UPF1: variants seen among roughly 807,000 people sequenced by gnomAD.
UPF1 encodes the protein regulator of nonsense transcripts 1.
In UPF1, 9 loss-of-function variants were observed where a neutral mutation model predicts 129.2. The observed-to-expected ratio is 0.07, with a 90% CI of 0.04 to 0.12. The LOEUF (loss-of-function observed/expected upper bound fraction) is 0.12, where lower values mean the gene tolerates loss of function less well. Ranked by LOEUF, UPF1 falls within the 10% of genes least tolerant of loss-of-function variation. The pLI, the probability that UPF1 is intolerant of heterozygous loss-of-function variation, is 1.00. For synonymous variants in UPF1, 649 were observed against 644.9 expected, an observed-to-expected ratio of 1.01 and a Z score of -0.10; for missense variants, 788 against 1,525.3, an observed-to-expected ratio of 0.52 and a Z score of 8.05.
At chr19:18,863,406 C>T (rs1453601562) in intron 18 of UPF1, 32 bp from the exon 19 acceptor site, 2 of 1,601,932 alleles carry the variant, frequency 1.2e-6, no homozygotes, top group African/African-American at 1.3e-5. Flanking sequence ...CAGCTCTCCA[C>T]CTGCGTCCTC....
At chr19:18,858,801 A>G (rs187865445) in intron 15 of UPF1, among the ~76,000 whole-genome samples, 34 of 152,352 alleles carry the variant, frequency 2.2e-4, no homozygotes, top group Admixed American at 2.2e-3. Flanking sequence ...AGAAATAACT[A>G]ACACGTAATG....
chr19:18,864,102 A>G, intron 19 of UPF1, 68 bp from the exon 20 acceptor site: 4 of 1,435,846 alleles, frequency 2.8e-6, no homozygotes, highest in Non-Finnish European at 3.9e-6. Flanking sequence ...CTCCCAGGCC[A>G]CCGGGCCCGT....
Position 18,850,798 on chromosome 19 carries a change from C to T in UPF1, c.740C>T (p.Ser247Phe). 6.2e-7 allele frequency: 1 copy of T among 1,610,652 alleles called. No individual in the cohort carries two copies. Among genetic ancestry groups the T allele is most frequent in the East Asian group, 2.2e-5 (1 of 44,756 alleles). ...CTGTCCTGGCTGGTCAAGATCCCCT[C>T]CGAGCAGGAGCAGCTGCGGGCACGC... The part of the protein sequence containing the change: ...CFLSWLVKIP[S>F]EQEQLRARQI... Residue 247 changes from serine (S) to phenylalanine (F), a missense_variant, in exon 5 of 24, where the codon TCC (serine) becomes TTC (phenylalanine). Ser to Phe is a radical substitution (Grantham distance 155). Coordinates refer to ENST00000262803, the MANE Select transcript of UPF1 (RefSeq NM_002911.4). The surrounding 1 kb of genome is among the most constrained non-coding windows in gnomAD (Gnocchi z 7.1).
At chr19:18,848,947 A>G (rs1353357715) in intron 3 of UPF1, 1 of 152,278 alleles carries the variant, frequency 6.6e-6, no homozygotes, top group African/African-American at 2.4e-5. Flanking sequence ...ATAGCCAAGA[A>G]CAGGGAAGTG....
intron 19 of UPF1, among the ~76,000 whole-genome samples, chr19:18,863,875 C>T (rs2055809535): frequency 6.6e-6 from 1 of 152,232 alleles, no homozygotes; most frequent in African/African-American, 2.4e-5. Context: ...CAGCCTGGGA[C>T]CTTGGACACG....
At chr19:18,860,769 C>T (rs1478540861) in intron 16 of UPF1, 57 bp from the exon 17 acceptor site, 7 of 1,600,576 alleles carry the variant, frequency 4.4e-6, no homozygotes, top group Non-Finnish European at 6.0e-6. Flanking sequence ...CGGCCTCCAG[C>T]CTCAGGGCTC....
rs1262180834 is a variant in UPF1 at position 18,858,950 on chromosome 19, T to C, written c.2183-1371T>C. Among the ~76,000 whole-genome samples, 5 of 152,348 alleles carry C rather than the reference T, an allele frequency of 3.3e-5. No individual in the cohort carries two copies. In the East Asian group the frequency reaches 9.6e-4, roughly 29 times the overall value. ...TGAAAGCTGCCGACACAGCGCCTCATGAACTCCAAACCTGTGAGGTTGGTA... is the reference window on the plus strand; with the variant it reads ...TGAAAGCTGCCGACACAGCGCCTCACGAACTCCAAACCTGTGAGGTTGGTA... On this transcript the variant is annotated intron_variant, in intron 15 of 23. Transcript: ENST00000262803.
chr19:18,846,230 C>T (rs2055597053), intron 2 of UPF1, 111 bp downstream of exon 2: 16 of 1,492,026 alleles, frequency 1.1e-5, no homozygotes, highest in Non-Finnish European at 1.4e-5. Context: ...TGCTGTGACT[C>T]TGGGTGGCGG....
chr19:18,833,974 A>G (rs987791768), intron 1 of UPF1, among the ~76,000 whole-genome samples: 56 of 152,272 alleles, frequency 3.7e-4, no homozygotes, highest in African/African-American at 1.3e-3. Context: ...GTGTGCACGT[A>G]TGGGTGTTTT....
intron 1 of UPF1, among the ~76,000 whole-genome samples, chr19:18,842,638 C>T (rs2055553158): frequency 6.6e-6 from 1 of 152,118 alleles, no homozygotes; most frequent in African/African-American, 2.4e-5. Flanking sequence ...GCAGTCATCA[C>T]TCTGAGGGTG....
chr19:18,852,265 C>T lies in UPF1; in HGVS notation c.941C>T (p.Ala314Val), dbSNP rs1485824312. 6.2e-7 allele frequency: 1 copy of T among 1,613,544 alleles called. No individual in the cohort carries two copies. The highest frequency in any genetic ancestry group is 1.3e-5 in the African/African-American group (1 of 74,892). The change falls in exon 6 of 24, where the codon GCC becomes GTC. Residue 314 changes from alanine (A) to valine (V), a missense_variant. Ala to Val is a moderately conservative substitution (Grantham distance 64, BLOSUM62 0). This residue lies in a region of UPF1 where 227 missense variants were observed against 517.9 expected (regional missense o/e 0.44). Transcript: ENST00000262803. ...NIFGPLVKLEADYDKKLKESQ... is the reference protein window; with the variant it reads ...NIFGPLVKLEVDYDKKLKESQ... ...TTCGGGCCCCTGGTCAAGCTGGAGG[C>T]CGACTACGACAAGAAGCTGAAGGAG...
intron 1 of UPF1, among the ~76,000 whole-genome samples, chr19:18,835,688 G>T (rs1426838253): frequency 6.6e-6 from 1 of 152,174 alleles, no homozygotes; most frequent in Non-Finnish European, 1.5e-5. Context: ...GGGTGGAATG[G>T]TCCAGATGGA....
intron 20 of UPF1, 84 bp downstream of exon 20, chr19:18,864,335 C>T (rs560689381): frequency 9.3e-6 from 12 of 1,294,448 alleles, no homozygotes; most frequent in East Asian, 2.4e-5. Context: ...GCTTTAGGTG[C>T]CCCCATCTTT....
chr19:18,864,910 T>C (rs1169162030), intron 20 of UPF1, among the ~76,000 whole-genome samples: 1 of 152,010 alleles, frequency 6.6e-6, no homozygotes, highest in Non-Finnish European at 1.5e-5. Flanking sequence ...GGCTAGTTTT[T>C]GTGTTTTTAG....
At position 18,865,960 on chromosome 19, in the gene UPF1, T is replaced by C; in HGVS notation, c.3238-84T>C. 1 of 1,598,624 alleles carries C rather than the reference T, an allele frequency of 6.3e-7. No individual in the cohort carries two copies. Among genetic ancestry groups the C allele is most frequent in the South Asian group, 1.1e-5 (1 of 89,008 alleles). ...CTTAGTTTGGGGACGGGTTTTCCAT[T>C]CTTTTCTCTGGGGCTGCTGAGGGCT... On this transcript the variant is annotated intron_variant, in intron 22 of 23. Coordinates refer to ENST00000262803, the MANE Select transcript of UPF1 (RefSeq NM_002911.4). The surrounding 1 kb of genome is among the most constrained non-coding windows in gnomAD (Gnocchi z 6.1).
chr19:18,867,844 CACTG>C lies in UPF1; in HGVS notation c.*1328_*1331del, dbSNP rs2055873761. ...TCCCCTGCCCCGGGCCTGGGGCTGT[CACTG>C]GCCCTGATCCGAACACCTCCAGATT... is the stretch of plus-strand genomic sequence containing the variant. On this transcript the variant is annotated 3_prime_UTR_variant, in exon 24 of 24. Transcript: ENST00000262803. The C allele has an allele frequency of 1.3e-5, 2 of 152,324 alleles. No individual in the cohort carries two copies. The highest frequency in any genetic ancestry group is 4.8e-5 in the African/African-American group (2 of 41,454). The allele number at this position is 152,324 out of a possible 1,614,324, so 9.4% of individuals were successfully genotyped here. A position where few individuals can be genotyped will look rare whatever the true frequency, so the allele number is the denominator to read the frequency against.
intron 1 of UPF1, among the ~76,000 whole-genome samples, chr19:18,843,166 GA>G (rs2145940208): frequency 6.6e-6 from 1 of 152,286 alleles, no homozygotes; most frequent in South Asian, 2.1e-4. Context: ...AGAGAATCAG[GA>G]ATGAGCTGCT....
chr19:18,852,064 C>T (rs2055664238), intron 5 of UPF1, 71 bp from the exon 6 acceptor site: 11 of 1,483,364 alleles, frequency 7.4e-6, no homozygotes, highest in African/African-American at 1.4e-5. Flanking sequence ...CCCTCTGGTG[C>T]CTCTGCGCCC....
At position 18,865,196 on chromosome 19, in the gene UPF1, C is replaced by G. The variant is rs750242732; in HGVS notation, c.2858-93C>G. ...CCTGGGCAGAGCCAGGACAGATGTG[C>G]AGCTCCGGCTGACTGGCTGGTGGGG... On this transcript the variant is annotated intron_variant, in intron 20 of 23. Transcript: ENST00000262803. The surrounding 1 kb of genome is among the most constrained non-coding windows in gnomAD (Gnocchi z 6.1). 145 of 1,436,778 alleles carry G rather than the reference C, an allele frequency of 1.0e-4. No individual in the cohort carries two copies. The highest frequency in any genetic ancestry group is 1.2e-4 in the Non-Finnish European group (128 of 1,063,340). 89.0% of individuals were successfully genotyped at this position (1,436,778 alleles called of 1,614,324 possible). A position where few individuals can be genotyped will look rare whatever the true frequency, so the allele number is the denominator to read the frequency against.
Sources: gnomAD v4.1 joint callset for allele counts (sites outside exome capture counted in the v4.1 genomes callset) on GRCh38, gnomAD v4.1.1 for gene constraint, gnomAD v4.1.1 regional missense constraint, Gnocchi (gnomAD v3.1) non-coding constraint, MANE v1.5 for transcripts, NCBI Gene and HGNC (gene_info 2026-07-23, HGNC 2026-07-21) for gene names.